CYTH3: variants seen among roughly 807,000 people sequenced by gnomAD.
CYTH3 encodes cytohesin 3.
Under a neutral mutation model 55.1 loss-of-function variants are expected in CYTH3, and 23 were observed. The ratio of observed to expected loss-of-function variants is 0.42; its 90% confidence interval spans 0.30 to 0.59. The LOEUF (loss-of-function observed/expected upper bound fraction) is 0.59. CYTH3 is among the 20% of genes least tolerant of loss of function. The pLI is 0.20. For missense variants in CYTH3, 413 were observed against 524.8 expected (o/e 0.79, Z 2.08); for synonymous variants, 249 against 194.9 (o/e 1.28, Z -2.31).
At chr7:6,182,673 A>AT (rs1026489454) in intron 4 of CYTH3, among the ~76,000 whole-genome samples, 1 of 151,768 alleles carries the variant, frequency 6.6e-6, no homozygotes, top group Non-Finnish European at 1.5e-5. Flanking sequence ...TGCCTGGCTT[A>AT]TTTTTTTAAA....
chr7:6,227,157 A>T (rs1180471626), intron 1 of CYTH3, among the ~76,000 whole-genome samples: 1 of 152,036 alleles, frequency 6.6e-6, no homozygotes, highest in Admixed American at 6.6e-5. Flanking sequence ...ATGATAGAAG[A>T]GGCTTTTTAA....
intron 1 of CYTH3, among the ~76,000 whole-genome samples, chr7:6,210,510 A>G (rs1784298731): frequency 6.6e-6 from 1 of 152,236 alleles, no homozygotes; most frequent in Admixed American, 6.5e-5. Flanking sequence ...TATCCTTTTC[A>G]TTGAAGTTTT....
chr7:6,272,023 A>C (rs1484438194), intron 1 of CYTH3, among the ~76,000 whole-genome samples: 1 of 152,080 alleles, frequency 6.6e-6, no homozygotes. Context: ...CTCCAGTGCA[A>C]AACTTTCCCC....
At chr7:6,255,827 G>T (rs890429778) in intron 1 of CYTH3, among the ~76,000 whole-genome samples, 11 of 143,398 alleles carry the variant, frequency 7.7e-5, no homozygotes, top group African/African-American at 2.6e-4. Flanking sequence ...GCAGTGGCGC[G>T]ATCTCTGCTC....
chr7:6,175,545 C>CTTTTTTTTTTTTTTT (rs1177188782), intron 5 of CYTH3, among the ~76,000 whole-genome samples: 1 of 89,014 alleles, frequency 1.1e-5, no homozygotes, highest in African/African-American at 4.6e-5. Flanking sequence ...ACACTTTAGT[C>CTTTTTTTTTTTTTTT]TTTTTTTTTT....
chr7:6,253,572 C>T (rs1484257894), intron 1 of CYTH3, among the ~76,000 whole-genome samples: 1 of 151,968 alleles, frequency 6.6e-6, no homozygotes, highest in African/African-American at 2.4e-5. Flanking sequence ...AATCCCAACA[C>T]TTTGGGAGGC....
At position 6,171,139 on chromosome 7, in the gene CYTH3, C is replaced by A. The variant is rs1158744935; in HGVS notation, c.562+63G>T. 9 of 1,595,472 alleles carry A rather than the reference C, an allele frequency of 5.6e-6. No homozygotes were observed. The highest frequency in any genetic ancestry group is 6.9e-6 in the Non-Finnish European group (8 of 1,164,818). On this transcript the variant is annotated intron_variant, in intron 7 of 12. Transcript: ENST00000350796. This position sits in a 1 kb window ranked among gnomAD's most constrained non-coding sequence, Gnocchi z 6.7. ...ACACGCTGGGCTGTGCCCACAGGGG[C>A]CGCCCCCTCCAGAGCTGGAGGCTGT...
chr7:6,228,244 G>A (rs906226348), intron 1 of CYTH3, among the ~76,000 whole-genome samples: 2 of 152,166 alleles, frequency 1.3e-5, no homozygotes, highest in African/African-American at 2.4e-5. Context: ...TATAAGTACA[G>A]CACATTCATA....
intron 1 of CYTH3, among the ~76,000 whole-genome samples, chr7:6,193,109 T>G (rs1401144318): frequency 6.6e-6 from 1 of 151,724 alleles, no homozygotes; most frequent in Admixed American, 6.6e-5. Context: ...AAAGCAAAGG[T>G]TGCAGTGAGC....
At chr7:6,185,664 C>T (rs1783624431) in intron 4 of CYTH3, among the ~76,000 whole-genome samples, 1 of 150,346 alleles carries the variant, frequency 6.7e-6, no homozygotes, top group Non-Finnish European at 1.5e-5. Flanking sequence ...CGCACCACTG[C>T]ACTCCAGCCT....
intron 5 of CYTH3, among the ~76,000 whole-genome samples, chr7:6,175,074 A>AATC (rs1783308980): frequency 6.6e-6 from 1 of 152,234 alleles, no homozygotes; most frequent in Non-Finnish European, 1.5e-5. Context: ...ATAATCTGCT[A>AATC]AGGACTTACA....
Position 6,170,475 on chromosome 7 carries a change from G to A in CYTH3, c.823+60C>T. The A allele has an allele frequency of 1.3e-6, 2 of 1,501,716 alleles. No individual in the cohort carries two copies. Among genetic ancestry groups the A allele is most frequent in the Non-Finnish European group, 1.8e-6 (2 of 1,093,056 alleles). The allele number at this position is 1,501,716 out of a possible 1,614,324, so 93.0% of individuals were successfully genotyped here. A position where few individuals can be genotyped will look rare whatever the true frequency, so the allele number is the denominator to read the frequency against. On this transcript the variant is annotated intron_variant, in intron 9 of 12. Coordinates refer to ENST00000350796, the MANE Select transcript of CYTH3 (RefSeq NM_004227.4). The surrounding 1 kb of genome is among the most constrained non-coding windows in gnomAD (Gnocchi z 7.8). ...CCTACGATGAGCCTGGGAGGAACCC[G>A]AGGGGCTGCTGCCATGGGCAGAGGG...
intron 1 of CYTH3, among the ~76,000 whole-genome samples, chr7:6,195,317 A>G (rs1419803801): frequency 6.6e-6 from 1 of 152,258 alleles, no homozygotes; most frequent in Non-Finnish European, 1.5e-5. Flanking sequence ...GGTCTTTCTT[A>G]GTAAACTTTT....
Position 6,272,596 on chromosome 7 carries a change from A to T in CYTH3, c.-89T>A. 2 of 1,036,054 alleles carry T rather than the reference A, an allele frequency of 1.9e-6. No homozygotes were observed. Among genetic ancestry groups the T allele is most frequent in the Non-Finnish European group, 1.2e-6 (1 of 848,438 alleles). 64.2% of individuals were successfully genotyped at this position (1,036,054 alleles called of 1,614,324 possible). ...CGCCGCCGGAGGGAGCGCGCAGGCG[A>T]CCGGGCGGCTCCTCAGCGCGCGGCC... On this transcript the variant is annotated 5_prime_UTR_variant, in exon 1 of 13. Transcript: ENST00000350796.
chr7:6,253,496 A>G (rs1780024124), intron 1 of CYTH3, among the ~76,000 whole-genome samples: 1 of 151,958 alleles, frequency 6.6e-6, no homozygotes, highest in African/African-American at 2.4e-5. Context: ...AGCCTGATCC[A>G]TCGCACCCAG....
intron 6 of CYTH3, chr7:6,173,079 T>C: frequency 9.4e-7 from 1 of 1,060,930 alleles, no homozygotes; most frequent in South Asian, 2.5e-5. Context: ...GAGTGCTGGC[T>C]CAGGGTCAAG....
chr7:6,253,603 G>A (rs940059728), intron 1 of CYTH3, among the ~76,000 whole-genome samples: 1 of 151,878 alleles, frequency 6.6e-6, no homozygotes, highest in Non-Finnish European at 1.5e-5. Context: ...AGATCACAAG[G>A]TCAGGAGTTT....
intron 1 of CYTH3, among the ~76,000 whole-genome samples, chr7:6,199,658 A>C (rs1562383403): frequency 6.6e-6 from 1 of 152,216 alleles, no homozygotes; most frequent in Non-Finnish European, 1.5e-5. Flanking sequence ...ATGCAGGGGG[A>C]AAGAAAAGAT....
intron 4 of CYTH3, among the ~76,000 whole-genome samples, chr7:6,179,609 ACCACACACACACACCCCCCACATACACCT>A (rs1783426555): frequency 7.7e-6 from 1 of 129,092 alleles, no homozygotes. Context: ...CACACCACAC[ACCACACACACACACCCCCCACATACACCT>A]CACACACCCC....
Sources: gnomAD v4.1 joint callset for allele counts (sites outside exome capture counted in the v4.1 genomes callset) on GRCh38, gnomAD v4.1.1 for gene constraint, Gnocchi (gnomAD v3.1) non-coding constraint, MANE v1.5 for transcripts, NCBI Gene and HGNC (gene_info 2026-07-23, HGNC 2026-07-21) for gene names.